HEPHL1: variants seen among roughly 807,000 people sequenced by gnomAD.
The protein encoded by HEPHL1 is hephaestin like 1.
A neutral mutation model predicts 122.0 loss-of-function variants in HEPHL1; 123 were observed. That is an observed-to-expected ratio of 1.01 (90% confidence interval 0.87 to 1.17). The LOEUF (loss-of-function observed/expected upper bound fraction) is 1.17. Among genes scored for constraint, HEPHL1 ranks in the 50% most tolerant of loss-of-function variants. HEPHL1 has a pLI of 0.00. For missense variants in HEPHL1, 1,452 were observed against 1,430.5 expected, an observed-to-expected ratio of 1.01 and a Z score of -0.24; for synonymous variants, 527 against 508.9, an observed-to-expected ratio of 1.04 and a Z score of -0.48.
intron 2 of HEPHL1, among the ~76,000 whole-genome samples, chr11:94,056,664 T>A (rs1482145957): frequency 6.8e-6 from 1 of 147,210 alleles, no homozygotes; most frequent in East Asian, 2.0e-4. Context: ...TGATTATCTA[T>A]CTATCTATCT....
At chr11:94,109,214 C>T (rs775105012) in intron 17 of HEPHL1, among the ~76,000 whole-genome samples, 5 of 152,098 alleles carry the variant, frequency 3.3e-5, no homozygotes, top group African/African-American at 4.8e-5. Flanking sequence ...GACCTTGCAT[C>T]CTGCATCTTT....
At position 94,027,481 on chromosome 11, in the gene HEPHL1, A is replaced by G. The variant is rs188724301; in HGVS notation, c.170+5943A>G. ...TGGGGGAAAGACCTTGGCTGGTCAC[A>G]TTTTCCTCTTTTCTAACAAAGCTTT... On this transcript the variant is annotated intron_variant, in intron 1 of 19. Coordinates refer to ENST00000315765, the MANE Select transcript of HEPHL1 (RefSeq NM_001098672.2). Among the ~76,000 whole-genome samples, 200 of 152,232 alleles carry G rather than the reference A, an allele frequency of 1.3e-3. 1 individual carries two copies. Among genetic ancestry groups the G allele is most frequent in the African/African-American group, 4.6e-3 (192 of 41,548 alleles).
rs746393781 is a variant in HEPHL1 at position 94,067,796 on chromosome 11, T to C, written c.1063+46T>C. The stretch of plus-strand genomic sequence containing the variant: ...AGTTGATATGTTTAGAATGGTACAA[T>C]CAAACCACACAGTCACTAGTGCTCA... On this transcript the variant is annotated intron_variant, in intron 5 of 19. Transcript: ENST00000315765. 45 of 1,584,232 alleles carry C rather than the reference T, an allele frequency of 2.8e-5. No homozygotes were observed. The East Asian group carries it at 9.5e-4, about 33-fold the overall frequency.
intron 1 of HEPHL1, among the ~76,000 whole-genome samples, chr11:94,042,891 A>AAAAAAAAAAAAAAC (rs762818935): frequency 4.0e-5 from 6 of 149,056 alleles, no homozygotes; most frequent in East Asian, 4.4e-4. Flanking sequence ...AAAAAAAAAA[A>AAAAAAAAAAAAAAC]AACTGCATGA....
chr11:94,049,998 G>A (rs1023729009), intron 2 of HEPHL1, among the ~76,000 whole-genome samples: 4 of 152,092 alleles, frequency 2.6e-5, no homozygotes, highest in Admixed American at 6.5e-5. Flanking sequence ...CATGAACATG[G>A]AATTTAGGTC....
intron 10 of HEPHL1, among the ~76,000 whole-genome samples, chr11:94,083,410 G>A (rs1302134961): frequency 6.6e-6 from 1 of 152,142 alleles, no homozygotes; most frequent in East Asian, 1.9e-4. Flanking sequence ...CTAATTGCTT[G>A]TGAGTAACAC....
intron 10 of HEPHL1, among the ~76,000 whole-genome samples, chr11:94,083,930 AG>A (rs980497919): frequency 2.0e-5 from 3 of 152,228 alleles, no homozygotes; most frequent in Admixed American, 2.0e-4. Flanking sequence ...ATCATCAAAG[AG>A]GTTGGTCTTC....
intron 1 of HEPHL1, among the ~76,000 whole-genome samples, chr11:94,026,350 C>T (rs1304900087): frequency 1.3e-5 from 2 of 152,162 alleles, no homozygotes; most frequent in African/African-American, 2.4e-5. Context: ...AAAAATATAA[C>T]GTTTCAGCTG....
At chr11:94,053,292 G>A (rs936013476) in intron 2 of HEPHL1, among the ~76,000 whole-genome samples, 1 of 151,902 alleles carries the variant, frequency 6.6e-6, no homozygotes, top group Non-Finnish European at 1.5e-5. Context: ...TTTAATTTCT[G>A]TATGGTCAGT....
chr11:94,097,139 T>C (rs1478281251), intron 13 of HEPHL1, among the ~76,000 whole-genome samples: 1 of 152,256 alleles, frequency 6.6e-6, no homozygotes, highest in Non-Finnish European at 1.5e-5. Context: ...CTTTCCTGCT[T>C]TCTCTTGTGG....
Position 94,111,992 on chromosome 11 carries a change from G to C in HEPHL1, c.*98G>C. ...GACCAAGGCATCACTCACCAAGGAA[G>C]GTTGACACTGTATCCTGGATCAGCC... On this transcript the variant is annotated 3_prime_UTR_variant, in exon 20 of 20. Transcript: ENST00000315765. The C allele has an allele frequency of 1.3e-6, 1 of 780,406 alleles. No homozygotes were observed. Among genetic ancestry groups the C allele is most frequent in the Non-Finnish European group, 2.0e-6 (1 of 508,664 alleles). 48.3% of individuals were successfully genotyped at this position (780,406 alleles called of 1,614,324 possible).
intron 2 of HEPHL1, among the ~76,000 whole-genome samples, chr11:94,056,815 C>A (rs979814710): frequency 6.6e-6 from 1 of 151,960 alleles, no homozygotes; most frequent in Non-Finnish European, 1.5e-5. Flanking sequence ...ATTTATAGAA[C>A]CTTTTATATT....
Position 94,113,012 on chromosome 11 carries a change from G to A in HEPHL1, c.*1118G>A, listed in dbSNP as rs1591493137. On this transcript the variant is annotated 3_prime_UTR_variant, in exon 20 of 20. Transcript: ENST00000315765. ...GGAAGGAGAAAAAAGGAAAAGGAAA[G>A]GTGAGAAAAAGATAATCTTGGTGGC... 6.6e-6 allele frequency: 1 copy of A among 152,042 alleles called. No homozygotes were observed. The highest frequency in any genetic ancestry group is 1.5e-5 in the Non-Finnish European group (1 of 68,006). 9.4% of individuals were successfully genotyped at this position (152,042 alleles called of 1,614,324 possible).
intron 9 of HEPHL1, among the ~76,000 whole-genome samples, chr11:94,078,987 C>A (rs572634936): frequency 6.6e-6 from 1 of 152,174 alleles, no homozygotes; most frequent in South Asian, 2.1e-4. Context: ...CTTGGGCTAA[C>A]TTCCCACCCT....
At chr11:94,073,670 A>G (rs1388061146) in intron 8 of HEPHL1, among the ~76,000 whole-genome samples, 2 of 152,114 alleles carry the variant, frequency 1.3e-5, no homozygotes, top group African/African-American at 2.4e-5. Flanking sequence ...GGCCCATGGT[A>G]GGTTCTTAGG....
At chr11:94,044,748 T>C (rs111964395) in intron 1 of HEPHL1, among the ~76,000 whole-genome samples, 18 of 151,620 alleles carry the variant, frequency 1.2e-4, no homozygotes, top group African/African-American at 4.4e-4. Context: ...ACAGCAATCT[T>C]TTCATTCTCC....
intron 1 of HEPHL1, among the ~76,000 whole-genome samples, chr11:94,030,337 C>A (rs1441264278): frequency 6.6e-6 from 1 of 152,212 alleles, no homozygotes; most frequent in East Asian, 1.9e-4. Flanking sequence ...CCTGTTCAAT[C>A]AGGAGTTGTA....
intron 1 of HEPHL1, among the ~76,000 whole-genome samples, chr11:94,036,282 C>G (rs147404616): frequency 7.9e-4 from 121 of 152,292 alleles, no homozygotes; most frequent in African/African-American, 2.9e-3. Flanking sequence ...CCCCAAGGGT[C>G]TATGAGTTTA....
intron 1 of HEPHL1, 92 bp from the exon 2 acceptor site, chr11:94,045,581 T>A: frequency 1.9e-6 from 2 of 1,075,632 alleles, no homozygotes; most frequent in Non-Finnish European, 2.7e-6. Context: ...AAATGAGAGG[T>A]CATACATGCA....
Sources: allele counts gnomAD v4.1 joint callset (sites outside exome capture counted in the v4.1 genomes callset), GRCh38; gene constraint gnomAD v4.1.1; transcripts MANE v1.5; gene names NCBI Gene and HGNC (gene_info 2026-07-23, HGNC 2026-07-21).